The following LONP1 variants were observed in gnomAD, a reference collection of about 807,000 sequenced individuals.
The protein encoded by LONP1 is lon peptidase 1, mitochondrial.
A neutral mutation model predicts 98.5 loss-of-function variants in LONP1; 31 were observed. The observed-to-expected ratio is 0.31, with a 90% CI of 0.24 to 0.42. The LOEUF is 0.42. LONP1 is among the 20% of genes least tolerant of loss of function. LONP1 has a pLI of 1.00. For missense variants in LONP1, 1,336 were observed against 1,350.6 expected, an observed-to-expected ratio of 0.99 and a Z score of 0.17; for synonymous variants, 781 against 594.7, an observed-to-expected ratio of 1.31 and a Z score of -4.56.
Position 5,719,845 on chromosome 19 carries a change from G to A in LONP1, c.288C>T (p.Gly96=), listed in dbSNP as rs62640375. 1.1e-4 allele frequency: 180 copies of A among 1,606,726 alleles called. No homozygotes were observed. Among genetic ancestry groups the A allele is most frequent in the Non-Finnish European group, 1.4e-4 (169 of 1,177,454 alleles). ...CCCCGGCGCCCGCGCTGCCCCCCGC[G>A]CCGCCGGCTCCTTCCTCCGCGCCGC... ...SEGGAEEGAG[G]AGGSAGAGEG... is the part of the protein sequence containing the mutation. Residue 96 remains glycine (G), a synonymous_variant, in exon 1 of 18, where the codon GGC becomes GGT. Coordinates refer to ENST00000360614, the MANE Select transcript of LONP1 (RefSeq NM_004793.4).
rs757756532 is a variant in LONP1 at position 5,699,071 on chromosome 19, G to A, written c.1641C>T (p.Phe547=). The A allele has an allele frequency of 1.9e-6, 3 of 1,609,206 alleles. No homozygotes were observed. The highest frequency in any genetic ancestry group is 3.3e-5 in the Admixed American group (2 of 59,796). Residue 547 remains phenylalanine (F), a synonymous_variant, in exon 10 of 18, where the codon TTC becomes TTT. Transcript: ENST00000360614. ...CCACGTCAGTCATGCCCCCGACGCT[G>A]AAGCGGAAGTACTCTCGGTTCAGGG... ...ARALNREYFR[F]SVGGMTDVAE... is the part of the protein sequence containing the mutation.
At chr19:5,720,205 G>C (rs1460131778), upstream of LONP1, 2 of 1,383,884 alleles carry the variant, frequency 1.4e-6, no homozygotes, top group African/African-American at 3.1e-5. Flanking sequence ...GACGCCCGGC[G>C]CGTGCCTCGG....
chr19:5,710,176 C>G (rs1264526179), intron 4 of LONP1, among the ~76,000 whole-genome samples: 1 of 151,030 alleles, frequency 6.6e-6, no homozygotes, highest in African/African-American at 2.4e-5. Flanking sequence ...CTCTGCCTCC[C>G]AGGTTCAAGC....
chr19:5,694,457 C>G lies in LONP1; in HGVS notation c.2250G>C (p.Val750=), dbSNP rs183274421. The G allele has an allele frequency of 6.0e-5, 97 of 1,613,520 alleles. No homozygotes were observed. The East Asian group carries it at 1.8e-3, about 30-fold the overall frequency. ...ENLQDFVGKP[V]FTVERMYDVT... is the part of the protein sequence containing the mutation. The stretch of plus-strand genomic sequence containing the variant: ...CGTCATACATGCGCTCCACGGTGAA[C>G]ACGGGCTTCCCCACGAAGTCCTGCA... The change falls in exon 15 of 18, where the codon GTG becomes GTC. Residue 750 remains valine (V), a synonymous_variant. Transcript: ENST00000360614.
intron 13 of LONP1, among the ~76,000 whole-genome samples, chr19:5,695,283 G>C (rs1274669348): frequency 1.3e-5 from 2 of 152,080 alleles, no homozygotes. Context: ...GGGCTCCAGG[G>C]TCACCCACAG....
chr19:5,694,721 G>A, intron 14 of LONP1, 40 bp downstream of exon 14: 1 of 1,580,212 alleles, frequency 6.3e-7, no homozygotes, highest in South Asian at 1.1e-5. Flanking sequence ...GGGATGGTGA[G>A]GTGGGCGGCA....
Position 5,712,160 on chromosome 19 carries a change from C to G in LONP1, c.639-158G>C, listed in dbSNP as rs2055249638. On this transcript the variant is annotated intron_variant, in intron 3 of 17. Coordinates refer to ENST00000360614, the MANE Select transcript of LONP1 (RefSeq NM_004793.4). ...AGGGTCCTCAAGCTGGAGACGTGAG[C>G]CGCTTTCTCGGGGCCTCCCAACCAG... 8 of 610,136 alleles carry G rather than the reference C, an allele frequency of 1.3e-5. 1 individual carries two copies. In the South Asian group the frequency reaches 1.7e-4, roughly 13 times the overall value. 37.8% of individuals were successfully genotyped at this position (610,136 alleles called of 1,614,324 possible). A position where few individuals can be genotyped will look rare whatever the true frequency, so the allele number is the denominator to read the frequency against.
At chr19:5,702,252 T>TGGGG (rs56009900) in intron 8 of LONP1, among the ~76,000 whole-genome samples, 1 of 119,740 alleles carries the variant, frequency 8.4e-6, no homozygotes, top group Non-Finnish European at 1.7e-5. Flanking sequence ...GGAGGGAGGT[T>TGGGG]GGGGGGGGGG....
At chr19:5,718,152 G>A (rs983694636) in intron 1 of LONP1, among the ~76,000 whole-genome samples, 10 of 152,076 alleles carry the variant, frequency 6.6e-5, no homozygotes, top group Non-Finnish European at 1.2e-4. Context: ...TGCTCTGGGG[G>A]CCTGCATCAG....
intron 8 of LONP1, among the ~76,000 whole-genome samples, chr19:5,701,655 T>C (rs909226018): frequency 6.6e-6 from 1 of 152,106 alleles, no homozygotes; most frequent in Non-Finnish European, 1.5e-5. Flanking sequence ...CAGGCTGGAG[T>C]GCAGTGGCGT....
chr19:5,702,057 C>A (rs1279060590), intron 8 of LONP1, among the ~76,000 whole-genome samples: 1 of 145,336 alleles, frequency 6.9e-6, no homozygotes, highest in Non-Finnish European at 1.5e-5. Context: ...CCAGCAGCCA[C>A]CCCGTCCGGG....
At chr19:5,718,699 G>GTT (rs59985153) in intron 1 of LONP1, among the ~76,000 whole-genome samples, 1 of 146,858 alleles carries the variant, frequency 6.8e-6, no homozygotes. Flanking sequence ...CACATCAGTA[G>GTT]TTTTTTTTTT....
At chr19:5,706,683 T>G (rs559160813) in intron 7 of LONP1, among the ~76,000 whole-genome samples, 1 of 152,310 alleles carries the variant, frequency 6.6e-6, no homozygotes, top group African/African-American at 2.4e-5. Flanking sequence ...CCGAAAATCA[T>G]GACAGCGAGC....
chr19:5,693,222 G>C (rs1397815636), intron 17 of LONP1, 76 bp downstream of exon 17: 1 of 1,516,206 alleles, frequency 6.6e-7, no homozygotes, highest in Non-Finnish European at 9.0e-7. Flanking sequence ...GGCAGAGGTT[G>C]CATGGCGGGG....
At chr19:5,703,403 C>T (rs927752530) in intron 8 of LONP1, among the ~76,000 whole-genome samples, 1 of 151,920 alleles carries the variant, frequency 6.6e-6, no homozygotes. Flanking sequence ...GGTCCCCTGC[C>T]GGGAGAGTGA....
At chr19:5,701,036 G>C (rs1162213121) in intron 8 of LONP1, 109 bp from the exon 9 acceptor site, 1 of 1,262,038 alleles carries the variant, frequency 7.9e-7, no homozygotes, top group African/African-American at 1.5e-5. Flanking sequence ...GTGTGGGGCT[G>C]AGCGCGGTGG....
intron 4 of LONP1, among the ~76,000 whole-genome samples, chr19:5,710,756 T>C (rs1285005752): frequency 1.3e-5 from 2 of 152,056 alleles, no homozygotes; most frequent in African/African-American, 4.8e-5. Flanking sequence ...CCGGGCACAG[T>C]GGCTCACGAC....
chr19:5,708,874 G>A (rs904672643), intron 4 of LONP1: 33 of 154,558 alleles, frequency 2.1e-4, no homozygotes, highest in South Asian at 1.2e-3. Context: ...TTAGGCGGGC[G>A]TGATGGCGGG....
intron 10 of LONP1, among the ~76,000 whole-genome samples, chr19:5,698,104 C>T (rs891598983): frequency 1.3e-5 from 2 of 150,982 alleles, no homozygotes; most frequent in African/African-American, 2.4e-5. Flanking sequence ...CTGGGACTCC[C>T]CAAAGCTGCA....
Sources: allele counts gnomAD v4.1 joint callset (sites outside exome capture counted in the v4.1 genomes callset), GRCh38; gene constraint gnomAD v4.1.1; transcripts MANE v1.5; gene names NCBI Gene and HGNC (gene_info 2026-07-23, HGNC 2026-07-21).